Variants in PAFAH1B3 observed in about 807,000 individuals in gnomAD.
The protein encoded by PAFAH1B3 is platelet-activating factor acetylhydrolase IB subunit alpha1.
In PAFAH1B3, 15 loss-of-function variants were observed where a neutral mutation model predicts 24.4. The observed-to-expected ratio is 0.62, with a 90% confidence interval of 0.41 to 0.95. The LOEUF (loss-of-function observed/expected upper bound fraction) is 0.95. Ranked by LOEUF, PAFAH1B3 falls within the 40% of genes least tolerant of loss-of-function variation. The pLI is 0.00. For synonymous variants in PAFAH1B3, 144 were observed against 126.5 expected (o/e 1.14, Z -0.93); for missense variants, 266 against 312.2 (o/e 0.85, Z 1.12).
In PAFAH1B3 at chr19:42,302,002, G is replaced by A; in HGVS notation, c.116C>T (p.Pro39Leu). ...RFVADSKDKE[P>L]EVVFIGDSLV... ...GGAGTCCCCGATGAAGACGACTTCG[G>A]GTTCCTTATCTTTGCTGTCAGCCAC... The change falls in exon 2 of 5, where the codon CCC (proline) becomes CTC (leucine). Residue 39 changes from proline (P) to leucine (L), a missense_variant. Transcript: ENST00000262890. The A allele has an allele frequency of 6.4e-7, 1 of 1,571,272 alleles. No individual in the cohort carries two copies. Among genetic ancestry groups the A allele is most frequent in the African/African-American group, 1.4e-5 (1 of 73,944 alleles).
At chr19:42,298,974 C>T (rs1311069752) in intron 4 of PAFAH1B3, among the ~76,000 whole-genome samples, 3 of 151,910 alleles carry the variant, frequency 2.0e-5, no homozygotes, top group African/African-American at 4.8e-5. Flanking sequence ...CCACCACGCC[C>T]GGCTAATTTT....
chr19:42,300,302 T>A lies in PAFAH1B3; in HGVS notation c.169-15A>T. On this transcript the variant is annotated splice_polypyrimidine_tract_variant and intron_variant, in intron 2 of 4. Transcript: ENST00000262890. ...TCGCGCCAGATCTGTGGGCAAGAAG[T>A]GGTGTGGGCAAGAAGTGGTAGGGGC... The A allele has an allele frequency of 6.2e-7, 1 of 1,610,150 alleles. No homozygotes were observed. Among genetic ancestry groups the A allele is most frequent in the Non-Finnish European group, 8.5e-7 (1 of 1,176,582 alleles).
At position 42,299,501 on chromosome 19, in the gene PAFAH1B3, T is replaced by A. The variant is rs527578284; in HGVS notation, c.408+469A>T. 5.3e-4 allele frequency among the ~76,000 whole-genome samples: 80 copies of A among 151,996 alleles called. No individual in the cohort carries two copies. In the Middle Eastern group the frequency reaches 0.01, roughly 20 times the overall value. ...GTGCAGTGGCACAGTATCAGCTTAC[T>A]GCAAGCTCCGCCTCCCAGGTTCATG... On this transcript the variant is annotated intron_variant, in intron 4 of 4. Coordinates refer to ENST00000262890, the MANE Select transcript of PAFAH1B3 (RefSeq NM_002573.4).
chr19:42,302,574 C>T lies in PAFAH1B3; in HGVS notation c.-265G>A, dbSNP rs1248163694. On this transcript the variant is annotated 5_prime_UTR_variant, in exon 1 of 5. Transcript: ENST00000262890. ...GTGGGCTCGCCCGGCGCTTCCCGCT[C>T]GGGCCGCTGACTCCCAGGCCGCGCA... 1 of 437,206 alleles carries T rather than the reference C, an allele frequency of 2.3e-6. No individual in the cohort carries two copies. 27.1% of individuals were successfully genotyped at this position (437,206 alleles called of 1,614,324 possible). A position where few individuals can be genotyped will look rare whatever the true frequency, so the allele number is the denominator to read the frequency against.
At chr19:42,297,771 C>T (rs1021848003) in intron 4 of PAFAH1B3, among the ~76,000 whole-genome samples, 2 of 151,140 alleles carry the variant, frequency 1.3e-5, no homozygotes, top group East Asian at 4.0e-4. Flanking sequence ...GACGGGGTTT[C>T]ACCGTGTTAG....
At chr19:42,298,150 T>C (rs1377933751) in intron 4 of PAFAH1B3, among the ~76,000 whole-genome samples, 2 of 151,924 alleles carry the variant, frequency 1.3e-5, no homozygotes, top group African/African-American at 4.8e-5. Context: ...TGAGCTGAGA[T>C]CATGCCACCG....
At position 42,302,601 on chromosome 19, in the gene PAFAH1B3, C is replaced by G; in HGVS notation, c.-292G>C. The G allele has an allele frequency of 5.1e-6, 2 of 394,632 alleles. No homozygotes were observed. The highest frequency in any genetic ancestry group is 4.6e-6 in the Non-Finnish European group (1 of 216,084). The allele number at this position is 394,632 out of a possible 1,614,324, so 24.4% of individuals were successfully genotyped here. A position where few individuals can be genotyped will look rare whatever the true frequency, so the allele number is the denominator to read the frequency against. ...GGCCGCTGACTCCCAGGCCGCGCAC[C>G]CGGCACGGGGTGGGGGGAGGGAGAG... On this transcript the variant is annotated 5_prime_UTR_variant, in exon 1 of 5. Coordinates refer to ENST00000262890, the MANE Select transcript of PAFAH1B3 (RefSeq NM_002573.4).
chr19:42,298,489 CAAAATAAA>C (rs1179318806), intron 4 of PAFAH1B3, among the ~76,000 whole-genome samples: 2 of 152,016 alleles, frequency 1.3e-5, no homozygotes, highest in African/African-American at 4.8e-5. Flanking sequence ...GACTCTGTCC[CAAAATAAA>C]TAAATAAATA....
Position 42,300,237 on chromosome 19 carries a change from A to T in PAFAH1B3, c.219T>A (p.Gly73=). Residue 73 remains glycine (G), a synonymous_variant, in exon 3 of 5, where the codon GGT becomes GGA. Coordinates refer to ENST00000262890, the MANE Select transcript of PAFAH1B3 (RefSeq NM_002573.4). ...SPLHALNFGI[G]GDGTQHVLWR... Reference sequence around the variant, plus strand: ...ACAGTACATGCTGTGTGCCGTCACCACCAATGCCAAAGTTAAGTGCATGCA... The same window carrying T: ...ACAGTACATGCTGTGTGCCGTCACCTCCAATGCCAAAGTTAAGTGCATGCA... The T allele has an allele frequency of 6.2e-7, 1 of 1,614,194 alleles. No homozygotes were observed. Among genetic ancestry groups the T allele is most frequent in the Non-Finnish European group, 8.5e-7 (1 of 1,180,032 alleles).
intron 4 of PAFAH1B3, among the ~76,000 whole-genome samples, chr19:42,298,414 C>T (rs2038570065): frequency 6.6e-6 from 1 of 152,132 alleles, no homozygotes; most frequent in Admixed American, 6.5e-5. Context: ...TCACTTGAAC[C>T]CAGGAGGAGG....
chr19:42,297,125 C>A lies in PAFAH1B3; in HGVS notation c.649G>T (p.Ala217Ser). 1 of 1,612,096 alleles carries A rather than the reference C, an allele frequency of 6.2e-7. No homozygotes were observed. Among genetic ancestry groups the A allele is most frequent in the South Asian group, 1.1e-5 (1 of 91,062 alleles). Residue 217 changes from alanine to serine, a missense_variant, in exon 5 of 5, where the codon GCC (alanine) becomes TCC (serine). By Grantham distance (99) the Ala-to-Ser change is moderately conservative. Transcript: ENST00000262890. ...ALHSLLLRLLAQDQGQGAPLL... is the reference protein window; with the variant it reads ...ALHSLLLRLLSQDQGQGAPLL... ...GGAGCACCTTGGCCCTGGTCTTGGG[C>A]CAGCAGACGCAGAAGCAGGGAGTGC...
chr19:42,300,363 T>C (rs2038601105), intron 2 of PAFAH1B3, 76 bp from the exon 3 acceptor site: 19 of 1,271,856 alleles, frequency 1.5e-5, no homozygotes, highest in Non-Finnish European at 1.8e-5. Context: ...TCCCCCTCTG[T>C]CCAGGTGTTA....
At position 42,300,322 on chromosome 19, in the gene PAFAH1B3, A is replaced by G. The variant is rs762229252; in HGVS notation, c.169-35T>C. ...AGAAGTGGTGTGGGCAAGAAGTGGTAGGGGCACAAGGGCACTGTCCGCATG... is the reference window on the plus strand; with the variant it reads ...AGAAGTGGTGTGGGCAAGAAGTGGTGGGGGCACAAGGGCACTGTCCGCATG... On this transcript the variant is annotated intron_variant, in intron 2 of 4. Transcript: ENST00000262890. 1.9e-6 allele frequency: 3 copies of G among 1,546,814 alleles called. No homozygotes were observed. The Admixed American group carries it at 5.0e-5, about 26-fold the overall frequency.
chr19:42,297,454 G>T, intron 4 of PAFAH1B3, 89 bp from the exon 5 acceptor site: 1 of 776,992 alleles, frequency 1.3e-6, no homozygotes, highest in Non-Finnish European at 1.8e-6. Context: ...CCACCATGAA[G>T]TTTCCAGCTG....
At chr19:42,298,724 T>C (rs1272955984) in intron 4 of PAFAH1B3, among the ~76,000 whole-genome samples, 1 of 152,182 alleles carries the variant, frequency 6.6e-6, no homozygotes, top group Non-Finnish European at 1.5e-5. Context: ...CACAGCTCAC[T>C]GTTACCTTGA....
Position 42,302,356 on chromosome 19 carries a change from G to T in PAFAH1B3, c.-47C>A, listed in dbSNP as rs751873527. The T allele has an allele frequency of 8.5e-6, 13 of 1,527,352 alleles. No individual in the cohort carries two copies. The South Asian group carries it at 1.4e-4, about 17-fold the overall frequency. The allele number at this position is 1,527,352 out of a possible 1,614,324, so 94.6% of individuals were successfully genotyped here. On this transcript the variant is annotated 5_prime_UTR_variant, in exon 1 of 5. Transcript: ENST00000262890. Reference sequence around the variant, plus strand: ...GGATGAGCGAGTCGGGTCGGCCCGGGAGTGTTCCGAACGGAGCTGGCTCCG... The same window carrying T: ...GGATGAGCGAGTCGGGTCGGCCCGGTAGTGTTCCGAACGGAGCTGGCTCCG...
Position 42,302,327 on chromosome 19 carries a change from T to C in PAFAH1B3, c.-18A>G. 1 of 1,589,492 alleles carries C rather than the reference T, an allele frequency of 6.3e-7. No homozygotes were observed. Among genetic ancestry groups the C allele is most frequent in the Non-Finnish European group, 8.5e-7 (1 of 1,169,950 alleles). On this transcript the variant is annotated 5_prime_UTR_variant, in exon 1 of 5. Coordinates refer to ENST00000262890, the MANE Select transcript of PAFAH1B3 (RefSeq NM_002573.4). The stretch of plus-strand genomic sequence containing the variant: ...CCACTCATCTTGGCGCCGCAGCTCC[T>C]GCAGGATGAGCGAGTCGGGTCGGCC...
Position 42,300,304 on chromosome 19 carries a change from G to C in PAFAH1B3, c.169-17C>G. On this transcript the variant is annotated splice_polypyrimidine_tract_variant and intron_variant, in intron 2 of 4. Transcript: ENST00000262890. ...GCGCCAGATCTGTGGGCAAGAAGTG[G>C]TGTGGGCAAGAAGTGGTAGGGGCAC... The C allele has an allele frequency of 1.4e-5, 22 of 1,608,376 alleles. No individual in the cohort carries two copies. Among genetic ancestry groups the C allele is most frequent in the Non-Finnish European group, 1.8e-5 (21 of 1,174,794 alleles).
rs1486513546 is a variant in PAFAH1B3, at chr19:42,302,185, C to T, written c.78+47G>A. Reference sequence around the variant, plus strand: ...ACGAACCAGCCGTTCTCCTGAGCCACCCCCCGCGCCCCCGGACTCCTCAAT... The same window carrying T: ...ACGAACCAGCCGTTCTCCTGAGCCATCCCCCGCGCCCCCGGACTCCTCAAT... On this transcript the variant is annotated intron_variant, in intron 1 of 4. Coordinates refer to ENST00000262890, the MANE Select transcript of PAFAH1B3 (RefSeq NM_002573.4). 2.6e-6 allele frequency: 4 copies of T among 1,524,820 alleles called. No homozygotes were observed. In the Admixed American group the frequency reaches 5.9e-5, roughly 22 times the overall value. The allele number at this position is 1,524,820 out of a possible 1,614,324, so 94.5% of individuals were successfully genotyped here.
Sources: allele counts gnomAD v4.1 joint callset (sites outside exome capture counted in the v4.1 genomes callset), GRCh38; gene constraint gnomAD v4.1.1; transcripts MANE v1.5; gene names NCBI Gene and HGNC (gene_info 2026-07-23, HGNC 2026-07-21).